FOXN3: variants seen among roughly 807,000 people sequenced by gnomAD.
The protein encoded by FOXN3 is forkhead box N3.
Under a neutral mutation model 38.4 loss-of-function variants are expected in FOXN3, and 7 were observed. That is an observed-to-expected ratio of 0.18 (90% CI 0.10 to 0.34). The LOEUF is 0.34. FOXN3 is among the 10% of genes least tolerant of loss of function. The probability of loss-of-function intolerance (pLI) is 1.00; values close to 1 mark genes in which losing one functional copy is unlikely to be tolerated. For missense variants in FOXN3, 456 were observed against 613.4 expected, an observed-to-expected ratio of 0.74 and a Z score of 2.71; for synonymous variants, 230 against 242.2, an observed-to-expected ratio of 0.95 and a Z score of 0.47.
intron 3 of FOXN3, chr14:89,291,318 G>A (rs1316954291): frequency 1.3e-5 from 7 of 527,118 alleles, no homozygotes; most frequent in Admixed American, 4.2e-5. Context: ...CATTCTCTCG[G>A]GGTTGTTGGT....
intron 1 of FOXN3, among the ~76,000 whole-genome samples, chr14:89,461,016 G>A (rs1892835544): frequency 9.2e-6 from 1 of 108,638 alleles, no homozygotes; most frequent in African/African-American, 3.8e-5. Flanking sequence ...CAACAAGAGC[G>A]AAACTCCATC....
chr14:89,283,028 C>T (rs1334290368), intron 3 of FOXN3, among the ~76,000 whole-genome samples: 1 of 152,164 alleles, frequency 6.6e-6, no homozygotes, highest in African/African-American at 2.4e-5. Flanking sequence ...GACTGGCCAC[C>T]ACCTTCTCTT....
At chr14:89,529,300 A>T (rs1027705809) in intron 1 of FOXN3, among the ~76,000 whole-genome samples, 54 of 152,328 alleles carry the variant, frequency 3.5e-4, no homozygotes, top group African/African-American at 1.3e-3. Flanking sequence ...TTTAAATTAA[A>T]CAGATACCAC....
intron 2 of FOXN3, among the ~76,000 whole-genome samples, chr14:89,375,872 C>G (rs748802494): frequency 6.6e-6 from 1 of 152,138 alleles, no homozygotes; most frequent in East Asian, 1.9e-4. Flanking sequence ...CCCCAGCCCC[C>G]CAGATTCAAG....
At chr14:89,394,352 C>T (rs1891048858) in intron 2 of FOXN3, among the ~76,000 whole-genome samples, 1 of 151,728 alleles carries the variant, frequency 6.6e-6, no homozygotes, top group South Asian at 2.1e-4. Flanking sequence ...TACAGGTGCC[C>T]ACCACCACGC....
At chr14:89,603,212 G>T (rs754950928) in intron 1 of FOXN3, among the ~76,000 whole-genome samples, 8 of 152,102 alleles carry the variant, frequency 5.3e-5, no homozygotes, top group Non-Finnish European at 1.0e-4. Flanking sequence ...TTGCTATTAT[G>T]ATCCAAATAA....
chr14:89,555,880 T>TGTGTGTGGGG (rs1183259048), intron 1 of FOXN3, among the ~76,000 whole-genome samples: 1 of 99,616 alleles, frequency 1.0e-5, no homozygotes, highest in Non-Finnish European at 2.4e-5. Context: ...TGTGTGTATG[T>TGTGTGTGGGG]GGGGGTGTAT....
intron 1 of FOXN3, among the ~76,000 whole-genome samples, chr14:89,512,303 T>C (rs1894109123): frequency 6.6e-6 from 1 of 152,160 alleles, no homozygotes; most frequent in South Asian, 2.1e-4. Context: ...ATACGAATAA[T>C]TATTTGATGT....
At chr14:89,609,044 C>T (rs1896337352) in intron 1 of FOXN3, among the ~76,000 whole-genome samples, 1 of 152,096 alleles carries the variant, frequency 6.6e-6, no homozygotes, top group Non-Finnish European at 1.5e-5. Context: ...TGTACAAAGG[C>T]TGGGAAGCTA....
At chr14:89,364,920 T>C (rs1297402513) in intron 2 of FOXN3, among the ~76,000 whole-genome samples, 2 of 152,180 alleles carry the variant, frequency 1.3e-5, no homozygotes, top group East Asian at 3.8e-4. Flanking sequence ...CTGGACGGTA[T>C]GTGTGTGTGC....
intron 1 of FOXN3, among the ~76,000 whole-genome samples, chr14:89,541,225 T>C (rs2139848520): frequency 6.6e-6 from 1 of 152,274 alleles, no homozygotes; most frequent in Non-Finnish European, 1.5e-5. Flanking sequence ...TAAGAGGTGT[T>C]TGAACCACAT....
chr14:89,366,260 G>GA (rs57036897), intron 2 of FOXN3, among the ~76,000 whole-genome samples: 89,229 of 146,610 alleles, frequency 0.61, 27,420 homozygotes, highest in South Asian at 0.77. Context: ...CTCAAAAAAA[G>GA]AAAAAAAAAA....
chr14:89,478,100 AT>A (rs1893249314), intron 1 of FOXN3, among the ~76,000 whole-genome samples: 1 of 152,178 alleles, frequency 6.6e-6, no homozygotes, highest in Non-Finnish European at 1.5e-5. Flanking sequence ...GGCTTGGGTC[AT>A]CCCCTTGGTG....
chr14:89,283,724 T>C (rs1379512103), intron 3 of FOXN3, among the ~76,000 whole-genome samples: 1 of 152,052 alleles, frequency 6.6e-6, no homozygotes, highest in Non-Finnish European at 1.5e-5. Context: ...TAACCCTGAG[T>C]GGGTTTTAAT....
At chr14:89,524,906 C>T (rs1032531649) in intron 1 of FOXN3, among the ~76,000 whole-genome samples, 2 of 152,084 alleles carry the variant, frequency 1.3e-5, no homozygotes, top group East Asian at 1.9e-4. Context: ...TAGCCCTCAC[C>T]ATACTGACGC....
At chr14:89,338,103 C>CT (rs1566960500) in intron 3 of FOXN3, among the ~76,000 whole-genome samples, 4 of 152,126 alleles carry the variant, frequency 2.6e-5, no homozygotes, top group African/African-American at 9.7e-5. Flanking sequence ...GAGGGACACT[C>CT]GGACCTTGGC....
In FOXN3 at chr14:89,163,765, A is replaced by G. The variant is rs1026142909; in HGVS notation, c.852-796T>C. The stretch of plus-strand genomic sequence containing the variant: ...AGCATCCTTATTTTACAGTGGCTCG[A>G]AGTGAAGCCTGGAGAAGTTCAGTGA... On this transcript the variant is annotated intron_variant, in intron 5 of 5. Transcript: ENST00000557258. This position sits in a 1 kb window ranked among gnomAD's most constrained non-coding sequence, Gnocchi z 4.3. 1.3e-5 allele frequency among the ~76,000 whole-genome samples: 2 copies of G among 152,206 alleles called. No homozygotes were observed. Among genetic ancestry groups the G allele is most frequent in the Admixed American group, 1.3e-4 (2 of 15,276 alleles).
chr14:89,523,019 CGAA>C (rs927691673), intron 1 of FOXN3, among the ~76,000 whole-genome samples: 5 of 151,708 alleles, frequency 3.3e-5, no homozygotes, highest in African/African-American at 4.8e-5. Context: ...GCAAAAGGAT[CGAA>C]GAAGAAATAT....
chr14:89,295,247 C>G (rs561288242), intron 3 of FOXN3, among the ~76,000 whole-genome samples: 1 of 152,324 alleles, frequency 6.6e-6, no homozygotes, highest in South Asian at 2.1e-4. Flanking sequence ...ATCCCAGGTA[C>G]CCAGGACACC....
Sources: gnomAD v4.1 joint callset for allele counts (sites outside exome capture counted in the v4.1 genomes callset) on GRCh38, gnomAD v4.1.1 for gene constraint, Gnocchi (gnomAD v3.1) non-coding constraint, MANE v1.5 for transcripts, NCBI Gene and HGNC (gene_info 2026-07-23, HGNC 2026-07-21) for gene names.